Variants in PCDHA4 observed in about 807,000 individuals in gnomAD.
The protein encoded by PCDHA4 is protocadherin alpha 4.
In PCDHA4, 49 loss-of-function variants were observed where a neutral mutation model predicts 61.4. The observed-to-expected ratio is 0.80, with a 90% CI of 0.63 to 1.01. PCDHA4 has a LOEUF of 1.01. Among genes scored for constraint, PCDHA4 ranks in the 50% least tolerant of loss-of-function variants. The probability of loss-of-function intolerance (pLI) is 0.00; values close to 1 mark genes in which losing one functional copy is unlikely to be tolerated. For synonymous variants in PCDHA4, 590 were observed against 550.3 expected (o/e 1.07, Z -1.01); for missense variants, 1,254 against 1,235.8 (o/e 1.01, Z -0.22).
intron 1 of PCDHA4, chr5:140,821,727 A>G: frequency 6.6e-7 from 1 of 1,508,774 alleles, no homozygotes; most frequent in Middle Eastern, 1.8e-4. Flanking sequence ...TTTACAAAAT[A>G]CATTGTGTGG....
chr5:140,967,108 G>A (rs2096097580), intron 1 of PCDHA4: 1 of 1,612,960 alleles, frequency 6.2e-7, no homozygotes, highest in South Asian at 1.1e-5. Flanking sequence ...GTGAGCAGCG[G>A]CCTCGCTGCC....
At position 140,870,533 on chromosome 5, in the gene PCDHA4, C is replaced by A. The variant is rs1185177447; in HGVS notation, c.2385+60961C>A. The A allele has an allele frequency of 1.9e-6, 3 of 1,614,050 alleles. No individual in the cohort carries two copies. The African/African-American group carries it at 4.0e-5, about 22-fold the overall frequency. ...CCAGGCTGCCACATCTTCACAGTGTCGGCGCGGGACGCGGACGCGCAGGAG... is the reference window on the plus strand; with the variant it reads ...CCAGGCTGCCACATCTTCACAGTGTAGGCGCGGGACGCGGACGCGCAGGAG... On this transcript the variant is annotated intron_variant, in intron 1 of 3. Transcript: ENST00000530339.
chr5:140,923,804 A>G (rs782008903), intron 1 of PCDHA4, among the ~76,000 whole-genome samples: 30 of 152,222 alleles, frequency 2.0e-4, no homozygotes, highest in Admixed American at 3.9e-4. Flanking sequence ...CACAAATGAA[A>G]TCTTCTGAAA....
At chr5:140,816,646 C>T (rs2126674174) in intron 1 of PCDHA4, 3 of 152,234 alleles carry the variant, frequency 2.0e-5, no homozygotes, top group African/African-American at 4.8e-5. Context: ...CCAGCTACCT[C>T]TTCCAGTCTT....
At chr5:140,837,560 A>G (rs2150276693) in intron 1 of PCDHA4, among the ~76,000 whole-genome samples, 2 of 152,102 alleles carry the variant, frequency 1.3e-5, no homozygotes, top group East Asian at 1.9e-4. Context: ...AATTATATAA[A>G]TATATTTACA....
chr5:140,991,570 C>T (rs1554252306), intron 3 of PCDHA4, among the ~76,000 whole-genome samples: 1 of 152,220 alleles, frequency 6.6e-6, no homozygotes, highest in Non-Finnish European at 1.5e-5. Context: ...TTTCCAATAA[C>T]AGGCTCCTTA....
intron 1 of PCDHA4, chr5:140,813,174 C>G (rs1554126132): frequency 6.6e-6 from 1 of 152,144 alleles, no homozygotes; most frequent in Admixed American, 6.6e-5. Flanking sequence ...TAGTGTTGTT[C>G]AAGTCCTCTG....
intron 1 of PCDHA4, chr5:140,834,576 C>G: frequency 2.5e-6 from 4 of 1,614,098 alleles, no homozygotes; most frequent in Non-Finnish European, 2.5e-6. Flanking sequence ...GCGCCTGTTC[C>G]GGGCGGTGTG....
At chr5:140,845,550 G>C (rs185907796) in intron 1 of PCDHA4, among the ~76,000 whole-genome samples, 1 of 149,478 alleles carries the variant, frequency 6.7e-6, no homozygotes, top group East Asian at 1.9e-4. Flanking sequence ...TTATGGTGAT[G>C]CTTTTAGCTA....
At chr5:140,868,032 C>T (rs1456286268) in intron 1 of PCDHA4, 1 of 152,026 alleles carries the variant, frequency 6.6e-6, no homozygotes, top group Non-Finnish European at 1.5e-5. Flanking sequence ...ATGTTGGTGA[C>T]TTGGAAATAC....
At chr5:140,829,537 G>A (rs782695954) in intron 1 of PCDHA4, 1 of 1,613,080 alleles carries the variant, frequency 6.2e-7, no homozygotes, top group Non-Finnish European at 8.5e-7. Context: ...CGCGAGACGC[G>A]GACGCGCAGG....
chr5:140,923,498 C>T (rs1233893951), intron 1 of PCDHA4, among the ~76,000 whole-genome samples: 2 of 152,018 alleles, frequency 1.3e-5, no homozygotes, highest in African/African-American at 4.8e-5. Context: ...CACTGCACTC[C>T]AGCCTGGATG....
chr5:140,963,301 A>T (rs2095755158), intron 1 of PCDHA4, among the ~76,000 whole-genome samples: 1 of 152,238 alleles, frequency 6.6e-6, no homozygotes, highest in Non-Finnish European at 1.5e-5. Flanking sequence ...GAGAGAAAAT[A>T]AGAAGCTGTT....
At position 140,877,744 on chromosome 5, in the gene PCDHA4, G is replaced by T. The variant is rs200651425; in HGVS notation, c.2385+68172G>T. ...TTACTCGCAGCAGAGGAGGCAGAGG[G>T]TGTGCTCTGCAGAGAGCCCGCCCAA... On this transcript the variant is annotated intron_variant, in intron 1 of 3. Coordinates refer to ENST00000530339, the MANE Select transcript of PCDHA4 (RefSeq NM_018907.4). The T allele has an allele frequency of 3.3e-3, 5,393 of 1,614,198 alleles. 26 individuals carry two copies. Among genetic ancestry groups the T allele is most frequent in the South Asian group, 0.011 (995 of 91,084 alleles).
intron 1 of PCDHA4, among the ~76,000 whole-genome samples, chr5:140,895,632 A>T (rs2065081182): frequency 6.6e-6 from 1 of 152,052 alleles, no homozygotes; most frequent in South Asian, 2.1e-4. Context: ...GTCTTTTCAC[A>T]TTCTTTTTTA....
chr5:140,807,483 G>A lies in PCDHA4; in HGVS notation c.296G>A (p.Ser99Asn), dbSNP rs371525794. The change falls in exon 1 of 4, where the codon AGC becomes AAC. Residue 99 changes from serine (S) to asparagine (N), a missense_variant. Coordinates refer to ENST00000530339, the MANE Select transcript of PCDHA4 (RefSeq NM_018907.4). ...RIDREELCRR[S>N]AECSIHLEVI... ...GACCGGGAGGAGCTGTGCCGGCGGA[G>A]CGCGGAGTGCAGCATCCACCTGGAG... is the stretch of plus-strand genomic sequence containing the variant. 18 of 1,613,438 alleles carry A rather than the reference G, an allele frequency of 1.1e-5. No homozygotes were observed. In the African/African-American group the frequency reaches 1.7e-4, roughly 16 times the overall value.
chr5:140,835,485 G>C (rs371322976), intron 1 of PCDHA4: 7 of 1,613,778 alleles, frequency 4.3e-6, no homozygotes, highest in Non-Finnish European at 5.9e-6. Flanking sequence ...ACCAGGTACC[G>C]TCATCACATT....
intron 1 of PCDHA4, chr5:140,857,903 A>C (rs1554150826): frequency 6.3e-7 from 1 of 1,597,806 alleles, no homozygotes; most frequent in East Asian, 2.2e-5. Context: ...TGGTGCACGC[A>C]TCCCGTTTCG....
chr5:140,841,273 T>C, intron 1 of PCDHA4: 1 of 1,504,492 alleles, frequency 6.6e-7, no homozygotes, highest in Non-Finnish European at 8.9e-7. Flanking sequence ...GTACAGTCGT[T>C]CATCTTTATA....
Sources: allele counts gnomAD v4.1 joint callset (sites outside exome capture counted in the v4.1 genomes callset), GRCh38; gene constraint gnomAD v4.1.1; transcripts MANE v1.5; gene names NCBI Gene and HGNC (gene_info 2026-07-23, HGNC 2026-07-21).